GRIK4: variants seen among roughly 807,000 people sequenced by gnomAD.
GRIK4 encodes glutamate receptor ionotropic, kainate 4.
GRIK4 carries 40 observed loss-of-function variants against 104.9 expected under a neutral mutation model. The observed-to-expected ratio is 0.38, with a 90% CI of 0.30 to 0.50. The LOEUF (loss-of-function observed/expected upper bound fraction) is 0.50, where lower values mean the gene tolerates loss of function less well. Among genes scored for constraint, GRIK4 ranks in the 20% least tolerant of loss-of-function variants. GRIK4 has a pLI of 0.93. For missense variants in GRIK4, 1,047 were observed against 1,308.1 expected, an observed-to-expected ratio of 0.80 and a Z score of 3.08; for synonymous variants, 485 against 524.9, an observed-to-expected ratio of 0.92 and a Z score of 1.04.
At chr11:120,781,382 ACT>A (rs1348961046) in intron 3 of GRIK4, among the ~76,000 whole-genome samples, 1 of 151,898 alleles carries the variant, frequency 6.6e-6, no homozygotes, top group African/African-American at 2.4e-5. Context: ...ATAAATTCTT[ACT>A]CTGTCACCCA....
chr11:120,832,215 G>A (rs1953449752), intron 7 of GRIK4, among the ~76,000 whole-genome samples, 185 bp downstream of exon 7: 1 of 152,144 alleles, frequency 6.6e-6, no homozygotes, highest in African/African-American at 2.4e-5. Context: ...GCAGGGTGAG[G>A]GTGATGTCGT....
chr11:120,948,233 T>G (rs1321797820), intron 14 of GRIK4, among the ~76,000 whole-genome samples: 1 of 152,208 alleles, frequency 6.6e-6, no homozygotes, highest in Admixed American at 6.5e-5. Context: ...TGCTGGGAGT[T>G]GACTATATCA....
intron 1 of GRIK4, among the ~76,000 whole-genome samples, chr11:120,532,620 A>T (rs1177147510): frequency 6.6e-6 from 1 of 152,020 alleles, no homozygotes; most frequent in Non-Finnish European, 1.5e-5. Flanking sequence ...TCTTTCCCCT[A>T]CCCCGCAAAC....
chr11:120,844,923 C>T (rs1198989744), intron 8 of GRIK4, among the ~76,000 whole-genome samples: 1 of 152,188 alleles, frequency 6.6e-6, no homozygotes, highest in Non-Finnish European at 1.5e-5. Flanking sequence ...CAAGGACAGT[C>T]AGGCTGATTG....
At chr11:120,805,865 G>A (rs1185267018) in intron 4 of GRIK4, among the ~76,000 whole-genome samples, 21 of 152,200 alleles carry the variant, frequency 1.4e-4, no homozygotes, top group Admixed American at 1.3e-3. Flanking sequence ...TCTCTGGGTG[G>A]AGGAGAGCCC....
intron 6 of GRIK4, among the ~76,000 whole-genome samples, chr11:120,828,656 G>T (rs1482136434): frequency 6.6e-6 from 1 of 152,194 alleles, no homozygotes; most frequent in Admixed American, 6.5e-5. Context: ...AGCCAGGTGT[G>T]TCCAGGTTGG....
intron 11 of GRIK4, among the ~76,000 whole-genome samples, chr11:120,895,742 T>C (rs1942561718): frequency 6.6e-6 from 1 of 152,204 alleles, no homozygotes; most frequent in South Asian, 2.1e-4. Context: ...AGTTTCTTCA[T>C]AACTAAAACA....
intron 1 of GRIK4, among the ~76,000 whole-genome samples, chr11:120,646,820 G>T (rs188971942): frequency 1.3e-5 from 2 of 152,308 alleles, no homozygotes; most frequent in African/African-American, 4.8e-5. Context: ...TGATTTAGAA[G>T]AAAACCTTCC....
intron 1 of GRIK4, among the ~76,000 whole-genome samples, chr11:120,583,861 C>T (rs1195977513): frequency 2.0e-5 from 3 of 152,088 alleles, no homozygotes; most frequent in Non-Finnish European, 4.4e-5. Context: ...AATGTTTTTC[C>T]ATTTGTTTAT....
chr11:120,955,552 C>G (rs1023802339), intron 15 of GRIK4, among the ~76,000 whole-genome samples: 1 of 152,218 alleles, frequency 6.6e-6, no homozygotes, highest in Middle Eastern at 3.2e-3. Context: ...GGGCTGCAAG[C>G]ATCTCCCTGG....
chr11:120,618,870 T>C (rs1591743723), intron 1 of GRIK4, among the ~76,000 whole-genome samples: 2 of 152,244 alleles, frequency 1.3e-5, no homozygotes, highest in East Asian at 3.8e-4. Context: ...AGAAGCTTGC[T>C]GCAGGGTTGG....
At chr11:120,729,009 T>C (rs1288774236) in intron 3 of GRIK4, among the ~76,000 whole-genome samples, 1 of 152,220 alleles carries the variant, frequency 6.6e-6, no homozygotes, top group Non-Finnish European at 1.5e-5. Flanking sequence ...AGTGAGAACA[T>C]GCGAAGTTTG....
At chr11:120,677,874 C>T (rs1950126849) in intron 3 of GRIK4, among the ~76,000 whole-genome samples, 1 of 152,188 alleles carries the variant, frequency 6.6e-6, no homozygotes, top group Non-Finnish European at 1.5e-5. Context: ...TATTGAGCAT[C>T]TACTGTGCCC....
chr11:120,831,768 T>A (rs190525111), intron 6 of GRIK4, 84 bp from the exon 7 acceptor site: 56,396 of 1,045,130 alleles, frequency 0.054, 1,746 homozygotes, highest in Middle Eastern at 0.073. Flanking sequence ...CCAGCCCACA[T>A]CTCCGTGCCT....
At chr11:120,942,134 C>T (rs1311209598) in intron 14 of GRIK4, among the ~76,000 whole-genome samples, 1 of 152,172 alleles carries the variant, frequency 6.6e-6, no homozygotes, top group African/African-American at 2.4e-5. Context: ...TTTGTGCACC[C>T]TTTTTCTCAT....
At chr11:120,738,092 G>A (rs992988906) in intron 3 of GRIK4, among the ~76,000 whole-genome samples, 2 of 151,990 alleles carry the variant, frequency 1.3e-5, no homozygotes, top group African/African-American at 4.8e-5. Context: ...AGAGGAGATT[G>A]AGAGGGAGCC....
Position 120,782,214 on chromosome 11 carries a change from C to T in GRIK4, c.83-20479C>T, listed in dbSNP as rs566051578. Among the ~76,000 whole-genome samples, 3 of 152,144 alleles carry T rather than the reference C, an allele frequency of 2.0e-5. No individual in the cohort carries two copies. In the South Asian group the frequency reaches 6.2e-4, roughly 32 times the overall value. On this transcript the variant is annotated intron_variant, in intron 3 of 20. Coordinates refer to ENST00000527524, the MANE Select transcript of GRIK4 (RefSeq NM_014619.5). Reference sequence around the variant, plus strand: ...GAGCATAAGGTCCTCGAGTCTGGTTCTCTGTCCTGTCCGTCAGTCTATTTC... The same window carrying T: ...GAGCATAAGGTCCTCGAGTCTGGTTTTCTGTCCTGTCCGTCAGTCTATTTC...
intron 11 of GRIK4, among the ~76,000 whole-genome samples, chr11:120,892,793 C>T (rs1367127154): frequency 6.6e-6 from 1 of 152,190 alleles, no homozygotes; most frequent in East Asian, 1.9e-4. Flanking sequence ...CCTACTGATG[C>T]CACGGAACCA....
intron 3 of GRIK4, among the ~76,000 whole-genome samples, chr11:120,721,725 G>A (rs182979019): frequency 6.6e-6 from 1 of 152,248 alleles, no homozygotes; most frequent in East Asian, 1.9e-4. Flanking sequence ...AAATAGTTGG[G>A]CTATAGGCTC....
Sources: gnomAD v4.1 joint callset for allele counts (sites outside exome capture counted in the v4.1 genomes callset) on GRCh38, gnomAD v4.1.1 for gene constraint, MANE v1.5 for transcripts, NCBI Gene and HGNC (gene_info 2026-07-23, HGNC 2026-07-21) for gene names.